The following PACRG variants were observed in gnomAD, a reference collection of about 807,000 sequenced individuals.
PACRG encodes the protein parkin coregulated gene protein.
Under a neutral mutation model 29.7 loss-of-function variants are expected in PACRG, and 29 were observed. That is an observed-to-expected ratio of 0.98 (90% confidence interval 0.73 to 1.33). The LOEUF is 1.33. PACRG is among the 40% of genes most tolerant of loss of function. PACRG has a pLI of 0.00. For synonymous variants in PACRG, 116 were observed against 118.7 expected (o/e 0.98, Z 0.15); for missense variants, 279 against 316.2 (o/e 0.88, Z 0.89).
intron 4 of PACRG, among the ~76,000 whole-genome samples, chr6:163,313,053 G>A (rs548366260): frequency 6.6e-6 from 1 of 151,424 alleles, no homozygotes; most frequent in East Asian, 1.9e-4. Flanking sequence ...ACTGTATCCA[G>A]CATCTCTCTC....
chr6:163,172,068 C>T (rs977564618), intron 4 of PACRG, among the ~76,000 whole-genome samples: 1 of 152,218 alleles, frequency 6.6e-6, no homozygotes, highest in Non-Finnish European at 1.5e-5. Context: ...GAACAGGCTT[C>T]CAAACATAGA....
chr6:162,970,782 A>G (rs1259442817), intron 2 of PACRG, among the ~76,000 whole-genome samples: 1 of 152,116 alleles, frequency 6.6e-6, no homozygotes, highest in Non-Finnish European at 1.5e-5. Context: ...TTCTCATCAC[A>G]ATTCAGATCC....
chr6:162,897,245 C>G (rs745450714), intron 2 of PACRG, among the ~76,000 whole-genome samples: 9 of 152,162 alleles, frequency 5.9e-5, no homozygotes, highest in Admixed American at 3.9e-4. Flanking sequence ...CTTTTTCAAA[C>G]TTCAGTACTA....
chr6:162,926,338 T>C (rs1376495453), intron 2 of PACRG, among the ~76,000 whole-genome samples: 3 of 151,886 alleles, frequency 2.0e-5, no homozygotes, highest in Non-Finnish European at 2.9e-5. Flanking sequence ...AGAGCCCATA[T>C]ATCCAAGACA....
chr6:162,807,518 C>G (rs1041974649), intron 1 of PACRG, among the ~76,000 whole-genome samples: 2 of 151,828 alleles, frequency 1.3e-5, no homozygotes, highest in African/African-American at 2.4e-5. Context: ...AATAGGGAGG[C>G]CTGAGGAAGG....
At chr6:163,195,476 G>A (rs2128363897) in intron 4 of PACRG, among the ~76,000 whole-genome samples, 1 of 152,240 alleles carries the variant, frequency 6.6e-6, no homozygotes, top group East Asian at 1.9e-4. Flanking sequence ...GAGTGTTGGA[G>A]GCCTCTTCCC....
intron 4 of PACRG, among the ~76,000 whole-genome samples, chr6:163,177,983 A>G (rs187254472): frequency 1.3e-5 from 2 of 152,230 alleles, no homozygotes; most frequent in Admixed American, 6.5e-5. Flanking sequence ...GACACTTAGA[A>G]GAGGCTCAAA....
intron 4 of PACRG, among the ~76,000 whole-genome samples, chr6:163,139,687 G>A (rs1817076996): frequency 6.6e-6 from 1 of 152,142 alleles, no homozygotes; most frequent in African/African-American, 2.4e-5. Context: ...AGTCTATTAG[G>A]TTGGTGCTAA....
intron 2 of PACRG, among the ~76,000 whole-genome samples, chr6:162,917,732 C>T (rs1339866987): frequency 6.6e-6 from 1 of 152,150 alleles, no homozygotes; most frequent in Non-Finnish European, 1.5e-5. Context: ...TCTGATTATT[C>T]ATATCCTGTC....
intron 2 of PACRG, among the ~76,000 whole-genome samples, chr6:162,863,255 C>A (rs1792016237): frequency 6.6e-6 from 1 of 152,192 alleles, no homozygotes; most frequent in South Asian, 2.1e-4. Flanking sequence ...GAATAAACAT[C>A]ACTTATCTGG....
At chr6:163,210,451 C>T (rs1781088436) in intron 4 of PACRG, among the ~76,000 whole-genome samples, 1 of 152,160 alleles carries the variant, frequency 6.6e-6, no homozygotes, top group Admixed American at 6.5e-5. Context: ...GAAAATAAAG[C>T]AGAGACCACC....
intron 2 of PACRG, among the ~76,000 whole-genome samples, chr6:162,859,459 C>T (rs1226811489): frequency 6.6e-6 from 1 of 152,138 alleles, no homozygotes; most frequent in Non-Finnish European, 1.5e-5. Context: ...ACACGTTTAA[C>T]TGAGGAGTAT....
chr6:163,248,428 A>T (rs1782774138), intron 4 of PACRG, among the ~76,000 whole-genome samples: 1 of 129,052 alleles, frequency 7.7e-6, no homozygotes. Flanking sequence ...TGCATATTTT[A>T]TGCAAAAAAA....
intron 2 of PACRG, among the ~76,000 whole-genome samples, chr6:162,974,694 C>T (rs1801800644): frequency 6.6e-6 from 1 of 152,198 alleles, no homozygotes; most frequent in African/African-American, 2.4e-5. Flanking sequence ...ATTGCTAACA[C>T]ATATCATGCT....
chr6:163,223,935 A>T (rs971517817), intron 4 of PACRG, among the ~76,000 whole-genome samples: 1 of 152,250 alleles, frequency 6.6e-6, no homozygotes, highest in African/African-American at 2.4e-5. Context: ...ATTCTTGCAC[A>T]GAAATAACGC....
intron 2 of PACRG, 179 bp downstream of exon 2, chr6:162,814,460 A>G (rs1421088164): frequency 6.1e-6 from 4 of 650,494 alleles, no homozygotes; most frequent in Non-Finnish European, 9.7e-6. Context: ...ACTAACAATT[A>G]AATTATAGCC....
chr6:163,089,618 A>G (rs1813911810), intron 4 of PACRG, among the ~76,000 whole-genome samples: 1 of 152,200 alleles, frequency 6.6e-6, no homozygotes, highest in Non-Finnish European at 1.5e-5. Context: ...CCTCAGGTAC[A>G]GCTTACTTAC....
intron 4 of PACRG, among the ~76,000 whole-genome samples, chr6:163,265,237 G>A (rs1783484510): frequency 6.6e-6 from 1 of 152,176 alleles, no homozygotes; most frequent in African/African-American, 2.4e-5. Flanking sequence ...ACAGGAAGCT[G>A]CCTCTCAGTC....
chr6:163,125,900 A>G (rs1296286593), intron 4 of PACRG, among the ~76,000 whole-genome samples: 3 of 152,258 alleles, frequency 2.0e-5, no homozygotes, highest in African/African-American at 7.2e-5. Context: ...TCTGTGCAGC[A>G]TTTTAATCAA....
Sources: gnomAD v4.1 joint callset for allele counts (sites outside exome capture counted in the v4.1 genomes callset) on GRCh38, gnomAD v4.1.1 for gene constraint, MANE v1.5 for transcripts, NCBI Gene and HGNC (gene_info 2026-07-23, HGNC 2026-07-21) for gene names.